The following INPP4B variants were observed in gnomAD, a reference collection of about 807,000 sequenced individuals.
INPP4B encodes inositol polyphosphate 4-phosphatase type II.
INPP4B carries 55 observed loss-of-function variants against 122.5 expected under a neutral mutation model. The observed-to-expected ratio is 0.45, with a 90% CI of 0.36 to 0.56. The LOEUF (loss-of-function observed/expected upper bound fraction) is 0.56. Ranked by LOEUF, INPP4B falls within the 20% of genes least tolerant of loss-of-function variation. INPP4B has a pLI of 0.00. For synonymous variants in INPP4B, 403 were observed against 388.7 expected (o/e 1.04, Z -0.43); for missense variants, 1,000 against 1,097.7 (o/e 0.91, Z 1.26).
chr4:142,679,891 T>C (rs1284973896), intron 2 of INPP4B, among the ~76,000 whole-genome samples: 1 of 151,604 alleles, frequency 6.6e-6, no homozygotes, highest in Non-Finnish European at 1.5e-5. Flanking sequence ...ACTCCCTGTG[T>C]CAAAACGTTA....
chr4:142,273,439 CTT>C (rs1561705615), intron 9 of INPP4B, among the ~76,000 whole-genome samples: 1 of 151,810 alleles, frequency 6.6e-6, no homozygotes, highest in Non-Finnish European at 1.5e-5. Context: ...GATACAAAGA[CTT>C]TGTAATAAGA....
intron 7 of INPP4B, chr4:142,317,491 G>T (rs540521106): frequency 7.2e-6 from 2 of 275,890 alleles, no homozygotes; most frequent in South Asian, 4.5e-5. Flanking sequence ...ATTCCAACGC[G>T]CATTATCCAG....
At position 142,431,968 on chromosome 4, in the gene INPP4B, TG is replaced by T. The variant is rs139060379; in HGVS notation, c.-126-584del. 6.2e-3 allele frequency among the ~76,000 whole-genome samples: 945 copies of T among 152,178 alleles called. 4 individuals are homozygous for T. The highest frequency in any genetic ancestry group is 0.022 in the African/African-American group (913 of 41,542). Reference sequence around the variant, plus strand: ...TAAAGGTGTAATTGTTTAATGATCATGGTATATGCTGAAAAGAATGAATCAT... The same window carrying T: ...TAAAGGTGTAATTGTTTAATGATCATGTATATGCTGAAAAGAATGAATCAT... On this transcript the variant is annotated intron_variant, in intron 3 of 25. Coordinates refer to ENST00000262992, the MANE Select transcript of INPP4B (RefSeq NM_001101669.3).
At chr4:142,531,157 G>A (rs1827564129) in intron 2 of INPP4B, among the ~76,000 whole-genome samples, 1 of 151,892 alleles carries the variant, frequency 6.6e-6, no homozygotes, top group Admixed American at 6.6e-5. Context: ...TCTGGATACA[G>A]TTTGAAAATA....
intron 2 of INPP4B, among the ~76,000 whole-genome samples, chr4:142,660,477 T>C (rs1264780567): frequency 1.1e-4 from 17 of 152,066 alleles, no homozygotes. Context: ...TGGTTCTCTC[T>C]TCACTGATAT....
chr4:142,579,604 C>A (rs1734567155), intron 2 of INPP4B, among the ~76,000 whole-genome samples: 1 of 151,898 alleles, frequency 6.6e-6, no homozygotes, highest in Admixed American at 6.6e-5. Flanking sequence ...AAATGTTAGA[C>A]CCTCCCTCAA....
At chr4:142,336,634 G>T (rs945255010) in intron 7 of INPP4B, among the ~76,000 whole-genome samples, 2 of 152,320 alleles carry the variant, frequency 1.3e-5, no homozygotes, top group East Asian at 1.9e-4. Context: ...TTGAGTTTTG[G>T]GCATGGCTGT....
intron 3 of INPP4B, among the ~76,000 whole-genome samples, chr4:142,434,552 A>G (rs1026788327): frequency 2.6e-5 from 4 of 152,196 alleles, no homozygotes; most frequent in Non-Finnish European, 5.9e-5. Context: ...TCACTCATGG[A>G]TAAGCCTGAG....
chr4:142,263,680 AACAT>A (rs1741387844), intron 10 of INPP4B, among the ~76,000 whole-genome samples: 1 of 81,948 alleles, frequency 1.2e-5, no homozygotes, highest in African/African-American at 3.8e-5. Flanking sequence ...ATATATATAT[AACAT>A]TGAACAATGA....
At chr4:142,121,694 T>C (rs1365714579) in intron 21 of INPP4B, among the ~76,000 whole-genome samples, 1 of 152,158 alleles carries the variant, frequency 6.6e-6, no homozygotes, top group African/African-American at 2.4e-5. Flanking sequence ...TGGTGGTATA[T>C]TCCCCTGACA....
At chr4:142,409,040 T>C (rs1264114918) in intron 5 of INPP4B, among the ~76,000 whole-genome samples, 2 of 152,202 alleles carry the variant, frequency 1.3e-5, no homozygotes, top group East Asian at 3.8e-4. Context: ...TATTTCCTGA[T>C]TACTTTTGCT....
intron 2 of INPP4B, among the ~76,000 whole-genome samples, chr4:142,571,153 G>A (rs1488131822): frequency 6.6e-6 from 1 of 150,834 alleles, no homozygotes; most frequent in Non-Finnish European, 1.5e-5. Context: ...AGAGGAAGAG[G>A]GCCTTGGCAC....
At chr4:142,737,482 C>A (rs965647519) in intron 1 of INPP4B, among the ~76,000 whole-genome samples, 2 of 151,640 alleles carry the variant, frequency 1.3e-5, no homozygotes, top group African/African-American at 4.8e-5. Context: ...TAAAGACTTA[C>A]ATGTTAGACC....
At chr4:142,441,229 G>T (rs150967826) in intron 3 of INPP4B, among the ~76,000 whole-genome samples, 341 of 152,206 alleles carry the variant, frequency 2.2e-3, no homozygotes, top group African/African-American at 7.4e-3. Flanking sequence ...CTATTTAGAG[G>T]TTAATATTCA....
chr4:142,752,683 G>A (rs949318535), intron 1 of INPP4B, among the ~76,000 whole-genome samples: 2 of 152,022 alleles, frequency 1.3e-5, no homozygotes, highest in Non-Finnish European at 2.9e-5. Flanking sequence ...CAGATCCTCT[G>A]TAATTCTTCA....
chr4:142,066,762 G>A (rs377255827), intron 25 of INPP4B, among the ~76,000 whole-genome samples: 2 of 152,200 alleles, frequency 1.3e-5, no homozygotes, highest in African/African-American at 2.4e-5. Context: ...CAAGGCAGCA[G>A]CGAGGCTGAG....
At chr4:142,511,905 T>A (rs957986495) in intron 2 of INPP4B, among the ~76,000 whole-genome samples, 1 of 152,200 alleles carries the variant, frequency 6.6e-6, no homozygotes, top group Admixed American at 6.5e-5. Flanking sequence ...CTTCTAAAAT[T>A]GATTTTTAAA....
chr4:142,499,095 G>A (rs111549601), intron 2 of INPP4B, among the ~76,000 whole-genome samples: 7,297 of 152,202 alleles, frequency 0.048, 219 homozygotes, highest in Middle Eastern at 0.078. Context: ...CTGGTTATCA[G>A]GACCTTTGTA....
intron 1 of INPP4B, among the ~76,000 whole-genome samples, chr4:142,776,484 T>C (rs1031399331): frequency 3.5e-4 from 53 of 152,156 alleles, no homozygotes; most frequent in Non-Finnish European, 8.8e-5. Context: ...GAGAAGCTAA[T>C]GAAGCTTCAG....
Sources: allele counts gnomAD v4.1 joint callset (sites outside exome capture counted in the v4.1 genomes callset), GRCh38; gene constraint gnomAD v4.1.1; transcripts MANE v1.5; gene names NCBI Gene and HGNC (gene_info 2026-07-23, HGNC 2026-07-21).